The following OSBPL10 variants were observed in gnomAD, a reference collection of about 807,000 sequenced individuals.
The protein encoded by OSBPL10 is oxysterol binding protein like 10.
A neutral mutation model predicts 81.7 loss-of-function variants in OSBPL10; 49 were observed. The ratio of observed to expected loss-of-function variants is 0.60; its 90% CI spans 0.48 to 0.76. OSBPL10 has a LOEUF of 0.76. OSBPL10 is among the 30% of genes least tolerant of loss of function. The pLI is 0.00. For missense variants in OSBPL10, 923 were observed against 987.8 expected (o/e 0.93, Z 0.88); for synonymous variants, 419 against 383.6 (o/e 1.09, Z -1.08).
intron 7 of OSBPL10, among the ~76,000 whole-genome samples, chr3:31,699,735 G>A (rs113001685): frequency 2.6e-5 from 4 of 152,186 alleles, no homozygotes; most frequent in South Asian, 2.1e-4. Context: ...GTGAACCATC[G>A]CAAGATACAG....
intron 2 of OSBPL10, among the ~76,000 whole-genome samples, chr3:32,025,391 T>A (rs998415329): frequency 2.0e-5 from 3 of 152,214 alleles, no homozygotes; most frequent in African/African-American, 7.2e-5. Context: ...TTTTTTTATG[T>A]TGCTGACCTT....
At chr3:32,021,414 C>G (rs1699362676) in intron 2 of OSBPL10, among the ~76,000 whole-genome samples, 1 of 152,170 alleles carries the variant, frequency 6.6e-6, no homozygotes, top group South Asian at 2.1e-4. Context: ...TTTTAAGAAG[C>G]CATTTGCCAA....
intron 2 of OSBPL10, among the ~76,000 whole-genome samples, chr3:32,044,091 T>C (rs1699601413): frequency 6.6e-6 from 1 of 152,192 alleles, no homozygotes; most frequent in South Asian, 2.1e-4. Flanking sequence ...CCCTTAAATC[T>C]AAAATAAAAG....
chr3:31,838,508 CAAAAAAAAAAAAAAAA>C (rs60893746), intron 3 of OSBPL10, among the ~76,000 whole-genome samples: 4 of 95,698 alleles, frequency 4.2e-5, no homozygotes, highest in Non-Finnish European at 8.0e-5. Flanking sequence ...AAGACTCTGT[CAAAAAAAAAAAAAAAA>C]AAAAAAAAAA....
At chr3:31,783,015 T>C (rs1698736899) in intron 4 of OSBPL10, among the ~76,000 whole-genome samples, 1 of 151,260 alleles carries the variant, frequency 6.6e-6, no homozygotes, top group African/African-American at 2.4e-5. Context: ...CAATTTGCAA[T>C]TGCAAAAATA....
chr3:31,998,311 T>A (rs1219242865), intron 2 of OSBPL10, among the ~76,000 whole-genome samples: 1 of 152,130 alleles, frequency 6.6e-6, no homozygotes, highest in Non-Finnish European at 1.5e-5. Context: ...ATACTCCCCA[T>A]CAGCATATCT....
Position 31,664,123 on chromosome 3 carries a change from C to T in OSBPL10, c.2206G>A (p.Glu736Lys), listed in dbSNP as rs750843865. 9.3e-6 allele frequency: 15 copies of T among 1,613,896 alleles called. No homozygotes were observed. In the South Asian group the frequency reaches 9.9e-5, roughly 11 times the overall value. The change falls in exon 11 of 12, where the codon GAG becomes AAG. Residue 736 changes from glutamate (E) to lysine (K), a missense_variant. Coordinates refer to ENST00000396556, the MANE Select transcript of OSBPL10 (RefSeq NM_017784.5). ...EKQRVEERKR[E>K]NLRTPWKPKY... is the part of the protein sequence containing the mutation. ...GGCTTCCATGGTGTGCGGAGGTTCTCGCGCTTCCGTTCCTCCACCCGTTGC... is the reference window on the plus strand; with the variant it reads ...GGCTTCCATGGTGTGCGGAGGTTCTTGCGCTTCCGTTCCTCCACCCGTTGC...
chr3:31,692,518 G>A (rs1695588317), intron 7 of OSBPL10, among the ~76,000 whole-genome samples: 1 of 151,984 alleles, frequency 6.6e-6, no homozygotes, highest in African/African-American at 2.4e-5. Context: ...GACTCACAAT[G>A]CCCAGAGCAA....
chr3:31,989,112 AG>A (rs1282291357), intron 2 of OSBPL10: 1 of 1,614,122 alleles, frequency 6.2e-7, no homozygotes. Context: ...AGAAGAGGAA[AG>A]AAAAGGAGCC....
intron 3 of OSBPL10, among the ~76,000 whole-genome samples, chr3:31,861,098 CAT>C (rs1182770991): frequency 1.3e-5 from 2 of 152,078 alleles, no homozygotes; most frequent in East Asian, 1.9e-4. Flanking sequence ...AAGCCAATAA[CAT>C]AAATTATTAG....
At chr3:31,964,689 T>A (rs907170852) in intron 1 of OSBPL10, among the ~76,000 whole-genome samples, 45 of 152,156 alleles carry the variant, frequency 3.0e-4, no homozygotes, top group African/African-American at 1.1e-3. Context: ...GTGTGCCTCA[T>A]AAAATGAAAT....
intron 5 of OSBPL10, 37 bp from the exon 6 acceptor site, chr3:31,733,448 C>G: frequency 6.2e-7 from 1 of 1,612,422 alleles, no homozygotes; most frequent in Non-Finnish European, 8.5e-7. Context: ...AAGTATTTTC[C>G]AAATTAAACA....
intron 6 of OSBPL10, among the ~76,000 whole-genome samples, chr3:31,720,826 G>A (rs73053306): frequency 0.056 from 8,039 of 143,078 alleles, 268 homozygotes; most frequent in Non-Finnish European, 0.067. Context: ...CTTGAACCTG[G>A]AGCCAAGATC....
At chr3:31,862,942 A>G (rs949330081) in intron 3 of OSBPL10, among the ~76,000 whole-genome samples, 1 of 152,190 alleles carries the variant, frequency 6.6e-6, no homozygotes, top group African/African-American at 2.4e-5. Flanking sequence ...ATTTAAAACA[A>G]ACTCACACAA....
intron 1 of OSBPL10, among the ~76,000 whole-genome samples, chr3:31,966,153 A>ATGTCTGTGTGTGTGTG (rs1472350138): frequency 1.5e-5 from 2 of 134,842 alleles, no homozygotes; most frequent in African/African-American, 5.5e-5. Flanking sequence ...CAACAAAATT[A>ATGTCTGTGTGTGTGTG]TGTGTGTGTG....
intron 2 of OSBPL10, among the ~76,000 whole-genome samples, chr3:31,994,405 AT>A (rs1324435330): frequency 1.3e-5 from 2 of 152,178 alleles, no homozygotes; most frequent in Non-Finnish European, 2.9e-5. Flanking sequence ...TCTCAAACAA[AT>A]TTTTAAAAAA....
At chr3:31,928,059 A>C (rs2125715321) in intron 1 of OSBPL10, among the ~76,000 whole-genome samples, 1 of 152,324 alleles carries the variant, frequency 6.6e-6, no homozygotes, top group East Asian at 1.9e-4. Flanking sequence ...CAGTAAAAAT[A>C]AGGTCATTAA....
At chr3:31,960,737 A>T (rs909677708) in intron 1 of OSBPL10, among the ~76,000 whole-genome samples, 1 of 152,070 alleles carries the variant, frequency 6.6e-6, no homozygotes, top group Admixed American at 6.6e-5. Flanking sequence ...AGACTGTGCA[A>T]CCCACTTCTC....
chr3:31,878,938 G>C (rs1274328209), intron 2 of OSBPL10, among the ~76,000 whole-genome samples: 2 of 151,958 alleles, frequency 1.3e-5, no homozygotes, highest in African/African-American at 4.8e-5. Flanking sequence ...ATGCAACCAT[G>C]ACAGATCCTG....
Sources: allele counts gnomAD v4.1 joint callset (sites outside exome capture counted in the v4.1 genomes callset), GRCh38; gene constraint gnomAD v4.1.1; transcripts MANE v1.5; gene names NCBI Gene and HGNC (gene_info 2026-07-23, HGNC 2026-07-21).